The following RGS7 variants were observed in gnomAD, a reference collection of about 807,000 sequenced individuals.
RGS7 encodes the protein regulator of G protein signaling 7.
In RGS7, 27 loss-of-function variants were observed where a neutral mutation model predicts 81.1. The observed-to-expected ratio is 0.33, with a 90% CI of 0.25 to 0.46. The LOEUF (loss-of-function observed/expected upper bound fraction) is 0.46. Ranked by LOEUF, RGS7 falls within the 20% of genes least tolerant of loss-of-function variation. The pLI is 1.00. For missense variants in RGS7, 396 were observed against 607.4 expected, an observed-to-expected ratio of 0.65 and a Z score of 3.66; for synonymous variants, 208 against 207.7, an observed-to-expected ratio of 1.00 and a Z score of -0.01.
rs189385217 is a variant in RGS7, at chr1:241,076,873, C to T, written c.175+21793G>A. 1.3e-3 allele frequency among the ~76,000 whole-genome samples: 193 copies of T among 152,282 alleles called. 1 individual carries two copies. The highest frequency in any genetic ancestry group is 4.3e-3 in the African/African-American group (179 of 41,572). ...AAAAGAAAGAGTGTAACTTTCAAAA[C>T]TGTCATTTTTGTTCTCATGGTAAAA... is the stretch of plus-strand genomic sequence containing the variant. On this transcript the variant is annotated intron_variant, in intron 3 of 18. Coordinates refer to ENST00000440928, the MANE Select transcript of RGS7 (RefSeq NM_001364886.1).
intron 2 of RGS7, among the ~76,000 whole-genome samples, chr1:241,182,648 C>CT (rs34005010): frequency 0.074 from 8,788 of 118,208 alleles, 573 homozygotes; most frequent in East Asian, 0.21. Flanking sequence ...GCATCTCACG[C>CT]TTTTTTTTTT....
At chr1:241,134,912 AGCCG>A (rs2067384168) in intron 2 of RGS7, among the ~76,000 whole-genome samples, 1 of 151,274 alleles carries the variant, frequency 6.6e-6, no homozygotes, top group Non-Finnish European at 1.5e-5. Flanking sequence ...GCAGGACGAC[AGCCG>A]GCCGGAAGAC....
intron 6 of RGS7, among the ~76,000 whole-genome samples, chr1:240,916,499 C>T (rs1234591075): frequency 3.3e-5 from 5 of 152,092 alleles, no homozygotes; most frequent in Admixed American, 3.3e-4. Flanking sequence ...TTCCCCCAGC[C>T]TCAACTTATG....
intron 2 of RGS7, among the ~76,000 whole-genome samples, chr1:241,318,550 G>C (rs1362413380): frequency 6.6e-6 from 1 of 151,886 alleles, no homozygotes; most frequent in African/African-American, 2.4e-5. Flanking sequence ...TCTGCCTCCT[G>C]GGTTCAAGCG....
chr1:241,045,362 T>G (rs1477869669), intron 3 of RGS7, among the ~76,000 whole-genome samples: 1 of 152,108 alleles, frequency 6.6e-6, no homozygotes, highest in African/African-American at 2.4e-5. Flanking sequence ...ATTTACTTAC[T>G]TATTTATTTA....
chr1:240,802,931 A>G lies in RGS7; in HGVS notation c.1332T>C (p.Tyr444=), dbSNP rs1396743309. The change falls in exon 16 of 19, where the codon TAT becomes TAC. Residue 444 remains tyrosine (Y), a synonymous_variant. Transcript: ENST00000440928. The part of the protein sequence containing the change: ...SYPRFIRSSA[Y]QELLQAKKKS... Reference sequence around the variant, plus strand: ...TTTTCTTTGCCTGTAGAAGCTCCTGATAGGCACTGGATCTTATAAAACGTG... The same window carrying G: ...TTTTCTTTGCCTGTAGAAGCTCCTGGTAGGCACTGGATCTTATAAAACGTG... The G allele has an allele frequency of 3.7e-6, 6 of 1,612,322 alleles. No homozygotes were observed. The highest frequency in any genetic ancestry group is 2.2e-5 in the East Asian group (1 of 44,794).
intron 3 of RGS7, among the ~76,000 whole-genome samples, chr1:241,094,558 A>G (rs1274607822): frequency 6.6e-6 from 1 of 151,924 alleles, no homozygotes; most frequent in African/African-American, 2.4e-5. Flanking sequence ...ATACTGTCCT[A>G]TGGTCTTGGG....
intron 14 of RGS7, among the ~76,000 whole-genome samples, chr1:240,809,916 G>C (rs1316228917): frequency 6.6e-6 from 1 of 152,056 alleles, no homozygotes; most frequent in East Asian, 1.9e-4. Flanking sequence ...ATATTTCTTA[G>C]ATATAATCAC....
chr1:240,974,342 A>G (rs1309192810), intron 4 of RGS7, among the ~76,000 whole-genome samples: 1 of 152,154 alleles, frequency 6.6e-6, no homozygotes, highest in Non-Finnish European at 1.5e-5. Context: ...GGTTTTGTTT[A>G]GATAAAAAAC....
chr1:240,972,734 G>T (rs1683441616), intron 4 of RGS7, among the ~76,000 whole-genome samples: 1 of 147,500 alleles, frequency 6.8e-6, no homozygotes, highest in African/African-American at 2.5e-5. Flanking sequence ...CCAAAAAGGT[G>T]CAGGAGTCTG....
intron 3 of RGS7, among the ~76,000 whole-genome samples, chr1:240,999,352 T>C (rs1409599449): frequency 2.0e-5 from 3 of 152,050 alleles, no homozygotes; most frequent in Non-Finnish European, 4.4e-5. Context: ...ACACTAATGA[T>C]AGCTGATGAG....
chr1:241,156,088 A>G (rs1236259687), intron 2 of RGS7, among the ~76,000 whole-genome samples: 5 of 151,962 alleles, frequency 3.3e-5, no homozygotes, highest in African/African-American at 9.6e-5. Context: ...ACGCACACAC[A>G]CACACACACA....
chr1:241,120,504 C>A (rs372811364), intron 2 of RGS7, among the ~76,000 whole-genome samples: 17 of 152,198 alleles, frequency 1.1e-4, no homozygotes, highest in African/African-American at 4.1e-4. Context: ...TGCACCACCA[C>A]GCCTGGCTAA....
rs192196606 is a variant in RGS7 at position 241,314,993 on chromosome 1, G to A, written c.78+40706C>T. On this transcript the variant is annotated intron_variant, in intron 2 of 18. Transcript: ENST00000440928. ...AAGATATATTTTAAAGTTAGAGCCCGGGGAACTTATTGATGTTGAAGACAG... is the reference window on the plus strand; with the variant it reads ...AAGATATATTTTAAAGTTAGAGCCCAGGGAACTTATTGATGTTGAAGACAG... 2.4e-3 allele frequency among the ~76,000 whole-genome samples: 360 copies of A among 151,878 alleles called. 12 individuals carry two copies. The South Asian group carries it at 0.049, about 21-fold the overall frequency.
chr1:241,174,075 T>C (rs373212246), intron 2 of RGS7, among the ~76,000 whole-genome samples: 4 of 152,236 alleles, frequency 2.6e-5, no homozygotes, highest in Non-Finnish European at 5.9e-5. Context: ...TTCCTGTGTT[T>C]AATGAGAATT....
chr1:241,227,570 CAA>C lies in RGS7; in HGVS notation c.78+128127_78+128128del, dbSNP rs5782179. On this transcript the variant is annotated intron_variant, in intron 2 of 18. Coordinates refer to ENST00000440928, the MANE Select transcript of RGS7 (RefSeq NM_001364886.1). ...ACACACAGTGAGACTCTGTCTCTACCAAAAAAAAAAAAAAAAAAATAGAACAA... is the reference window on the plus strand; with the variant it reads ...ACACACAGTGAGACTCTGTCTCTACCAAAAAAAAAAAAAAAAATAGAACAA... Among the ~76,000 whole-genome samples, 768 of 103,704 alleles carry C rather than the reference CAA, an allele frequency of 7.4e-3. 7 individuals are homozygous for C. Among genetic ancestry groups the C allele is most frequent in the African/African-American group, 0.024 (671 of 27,790 alleles). The allele number at this position is 103,704 out of a possible 152,430, so 68.0% of individuals were successfully genotyped here. A position where few individuals can be genotyped will look rare whatever the true frequency, so the allele number is the denominator to read the frequency against.
At chr1:240,816,652 T>A (rs947000697) in intron 10 of RGS7, among the ~76,000 whole-genome samples, 1 of 152,192 alleles carries the variant, frequency 6.6e-6, no homozygotes, top group Non-Finnish European at 1.5e-5. Context: ...ATTGGTTATA[T>A]GTAGAGAGCA....
intron 4 of RGS7, among the ~76,000 whole-genome samples, chr1:240,961,421 A>G (rs999760590): frequency 1.1e-4 from 16 of 152,196 alleles, no homozygotes; most frequent in Admixed American, 9.8e-4. Context: ...ATATAAAATA[A>G]TCTATTATCA....
intron 6 of RGS7, among the ~76,000 whole-genome samples, chr1:240,878,471 T>A (rs1665816481): frequency 1.4e-5 from 2 of 142,914 alleles, no homozygotes. Flanking sequence ...TTTCTTTTCT[T>A]TCTTTTCTTT....
Sources: allele counts gnomAD v4.1 joint callset (sites outside exome capture counted in the v4.1 genomes callset), GRCh38; gene constraint gnomAD v4.1.1; transcripts MANE v1.5; gene names NCBI Gene and HGNC (gene_info 2026-07-23, HGNC 2026-07-21).